TAX1BP1: variants seen among roughly 807,000 people sequenced by gnomAD.
TAX1BP1 encodes Tax1 binding protein 1.
In TAX1BP1, 62 loss-of-function variants were observed where a neutral mutation model predicts 97.7. That is an observed-to-expected ratio of 0.63 (90% CI 0.52 to 0.78). TAX1BP1 has a LOEUF of 0.78. Ranked by LOEUF, TAX1BP1 falls within the 30% of genes least tolerant of loss-of-function variation. The pLI is 0.00. For synonymous variants in TAX1BP1, 340 were observed against 304.2 expected, an observed-to-expected ratio of 1.12 and a Z score of -1.23; for missense variants, 867 against 916.1, an observed-to-expected ratio of 0.95 and a Z score of 0.69.
intron 5 of TAX1BP1, among the ~76,000 whole-genome samples, chr7:27,777,814 G>A (rs1041869039): frequency 6.6e-6 from 1 of 152,256 alleles, no homozygotes; most frequent in African/African-American, 2.4e-5. Flanking sequence ...CAGTTATAGA[G>A]GTGACCTCTG....
At position 27,765,989 on chromosome 7, in the gene TAX1BP1, T is replaced by G; in HGVS notation, c.421T>G (p.Leu141Val). The G allele has an allele frequency of 6.2e-7, 1 of 1,614,110 alleles. No individual in the cohort carries two copies. The highest frequency in any genetic ancestry group is 2.2e-5 in the East Asian group (1 of 44,884). Residue 141 changes from leucine (L) to valine (V), a missense_variant, in exon 4 of 17, where the codon TTA becomes GTA. By Grantham distance (32) the Leu-to-Val change is conservative. Around this residue, in one of 3 missense-constraint regions of TAX1BP1, gnomAD observed 822 missense variants for 851.4 expected, o/e 0.97. Coordinates refer to ENST00000396319, the MANE Select transcript of TAX1BP1 (RefSeq NM_006024.7). ...GGAAGATGAAGGAAATTCTGACATG[T>G]TAGTGGTGACCACAAAAGCAGGCCT... ...TMEDEGNSDMLVVTTKAGLLE... is the reference protein window; with the variant it reads ...TMEDEGNSDMVVVTTKAGLLE...
intron 10 of TAX1BP1, 67 bp downstream of exon 10, chr7:27,793,279 G>T (rs957599411): frequency 5.9e-6 from 8 of 1,348,606 alleles, no homozygotes; most frequent in African/African-American, 3.0e-5. Flanking sequence ...AATCAAATTT[G>T]TAATATTCCA....
chr7:27,798,433 G>T (rs1209432985), intron 12 of TAX1BP1, among the ~76,000 whole-genome samples: 2 of 152,060 alleles, frequency 1.3e-5, no homozygotes, highest in African/African-American at 4.8e-5. Flanking sequence ...GGAGGCCGAG[G>T]TGGGAGCATC....
At chr7:27,779,293 A>G (rs1056860435) in intron 5 of TAX1BP1, among the ~76,000 whole-genome samples, 1 of 152,112 alleles carries the variant, frequency 6.6e-6, no homozygotes, top group African/African-American at 2.4e-5. Flanking sequence ...CTTGGCTCAT[A>G]TCTAGATTTT....
chr7:27,808,672 G>A (rs58785596), intron 13 of TAX1BP1, among the ~76,000 whole-genome samples: 2,235 of 152,228 alleles, frequency 0.015, 51 homozygotes, highest in African/African-American at 0.051. Flanking sequence ...CGGGGTCACT[G>A]TGAGCCATTT....
At chr7:27,821,070 G>A (rs2893299) in intron 15 of TAX1BP1, among the ~76,000 whole-genome samples, 3 of 152,180 alleles carry the variant, frequency 2.0e-5, no homozygotes, top group Non-Finnish European at 4.4e-5. Flanking sequence ...TTGGATTAAA[G>A]ATAGTCAGCC....
intron 2 of TAX1BP1, among the ~76,000 whole-genome samples, chr7:27,755,305 T>C (rs1252294081): frequency 1.3e-5 from 2 of 152,210 alleles, no homozygotes; most frequent in Non-Finnish European, 2.9e-5. Context: ...TATATCCATA[T>C]GTAATCAGCT....
rs1187583279 is a variant in TAX1BP1 at position 27,765,976 on chromosome 7, A to G, written c.408A>G (p.Gly136=). 2 of 1,614,188 alleles carry G rather than the reference A, an allele frequency of 1.2e-6. No individual in the cohort carries two copies. Among genetic ancestry groups the G allele is most frequent in the Admixed American group, 1.7e-5 (1 of 60,024 alleles). ...VEELLTMEDE[G]NSDMLVVTTK... ...AGCTGCTTACTATGGAAGATGAAGG[A>G]AATTCTGACATGTTAGTGGTGACCA... The change falls in exon 4 of 17, where the codon GGA becomes GGG. Residue 136 remains glycine, a synonymous_variant. Coordinates refer to ENST00000396319, the MANE Select transcript of TAX1BP1 (RefSeq NM_006024.7).
In TAX1BP1 at chr7:27,829,562, T is replaced by A. The variant is rs1043668906; in HGVS notation, c.*733T>A. The A allele has an allele frequency of 6.6e-6, 1 of 152,194 alleles. No homozygotes were observed. The highest frequency in any genetic ancestry group is 2.4e-5 in the African/African-American group (1 of 41,448). The allele number at this position is 152,194 out of a possible 1,614,324, so 9.4% of individuals were successfully genotyped here. On this transcript the variant is annotated 3_prime_UTR_variant, in exon 17 of 17. Coordinates refer to ENST00000396319, the MANE Select transcript of TAX1BP1 (RefSeq NM_006024.7). ...ATTAAATGATCTCATAACAGGGGTGTTTGTGGCATAAAAATCATAGAATAT... is the reference window on the plus strand; with the variant it reads ...ATTAAATGATCTCATAACAGGGGTGATTGTGGCATAAAAATCATAGAATAT...
At chr7:27,800,842 C>T (rs768124835) in intron 13 of TAX1BP1, among the ~76,000 whole-genome samples, 5 of 152,138 alleles carry the variant, frequency 3.3e-5, no homozygotes, top group African/African-American at 9.7e-5. Flanking sequence ...TGATGGCTCA[C>T]GCCGGTAATC....
At chr7:27,816,290 C>A in intron 13 of TAX1BP1, 59 bp from the exon 14 acceptor site, 1 of 1,275,646 alleles carries the variant, frequency 7.8e-7, no homozygotes, top group Non-Finnish European at 1.1e-6. Flanking sequence ...TTTAATACTG[C>A]TGTATTTATG....
At chr7:27,784,176 A>AT (rs938518628) in intron 5 of TAX1BP1, among the ~76,000 whole-genome samples, 7 of 152,102 alleles carry the variant, frequency 4.6e-5, no homozygotes, top group African/African-American at 1.7e-4. Context: ...CAGAACGGTG[A>AT]TTTTTTTAGT....
intron 5 of TAX1BP1, among the ~76,000 whole-genome samples, chr7:27,779,883 C>G (rs1409229393): frequency 6.6e-6 from 1 of 152,096 alleles, no homozygotes; most frequent in Non-Finnish European, 1.5e-5. Flanking sequence ...CTGGTTTCAG[C>G]TGGATGAAAG....
intron 3 of TAX1BP1, among the ~76,000 whole-genome samples, chr7:27,761,264 C>G (rs1788415207): frequency 6.6e-6 from 1 of 152,126 alleles, no homozygotes; most frequent in Non-Finnish European, 1.5e-5. Flanking sequence ...CCACCCTTCC[C>G]TGCTTTCCTT....
At position 27,827,787 on chromosome 7, in the gene TAX1BP1, G is replaced by T; in HGVS notation, c.2135G>T (p.Arg712Leu). Residue 712 changes from arginine (R) to leucine (L), a missense_variant, in exon 16 of 17, where the codon CGT becomes CTT. Physicochemically the swap from Arg to Leu is moderately radical, Grantham distance 102 (BLOSUM62 -2). This residue lies in a region of TAX1BP1 where 822 missense variants were observed against 851.4 expected (regional missense o/e 0.97). Coordinates refer to ENST00000396319, the MANE Select transcript of TAX1BP1 (RefSeq NM_006024.7). The stretch of plus-strand genomic sequence containing the variant: ...CCTGATCCTCCAAGTCAACATTTAC[G>T]TGGGCATGGGACAGGCTTTTGCTTT... ...TAPDPPSQHLRGHGTGFCFDS... is the reference protein window; with the variant it reads ...TAPDPPSQHLLGHGTGFCFDS... The T allele has an allele frequency of 6.2e-7, 1 of 1,613,894 alleles. No homozygotes were observed. The highest frequency in any genetic ancestry group is 8.5e-7 in the Non-Finnish European group (1 of 1,179,894).
chr7:27,813,067 A>T (rs1489630255), intron 13 of TAX1BP1, among the ~76,000 whole-genome samples: 2 of 151,918 alleles, frequency 1.3e-5, no homozygotes, highest in Admixed American at 6.6e-5. Context: ...TCTTATGCCA[A>T]TACTATACCG....
chr7:27,828,917 G>A lies in TAX1BP1; in HGVS notation c.*88G>A, dbSNP rs1325509418. 3 of 1,134,396 alleles carry A rather than the reference G, an allele frequency of 2.6e-6. No individual in the cohort carries two copies. Among genetic ancestry groups the A allele is most frequent in the African/African-American group, 3.2e-5 (2 of 63,132 alleles). 70.3% of individuals were successfully genotyped at this position (1,134,396 alleles called of 1,614,324 possible). ...AATAGACCACTGAGGAGACCATAGA[G>A]CGGATGCTTTCATGCACCCTTTACT... On this transcript the variant is annotated 3_prime_UTR_variant, in exon 17 of 17. Coordinates refer to ENST00000396319, the MANE Select transcript of TAX1BP1 (RefSeq NM_006024.7).
intron 13 of TAX1BP1, among the ~76,000 whole-genome samples, chr7:27,801,933 G>A (rs1407448921): frequency 6.6e-6 from 1 of 152,150 alleles, no homozygotes; most frequent in African/African-American, 2.4e-5. Context: ...ATATTTAGGG[G>A]GAAGACATTA....
Position 27,807,444 on chromosome 7 carries a change from C to G in TAX1BP1, c.1764+7354C>G, listed in dbSNP as rs530763368. ...CCCTTTATCTGGAACAACTTTATAG[C>G]CTTTCTTAACCTTGACATTTTTGAA... On this transcript the variant is annotated intron_variant, in intron 13 of 16. Transcript: ENST00000396319. Among the ~76,000 whole-genome samples the G allele has an allele frequency of 2.0e-5, 3 of 152,096 alleles. No homozygotes were observed. The South Asian group carries it at 6.2e-4, about 32-fold the overall frequency.
Sources: allele counts gnomAD v4.1 joint callset (sites outside exome capture counted in the v4.1 genomes callset), GRCh38; gene constraint gnomAD v4.1.1; regional missense constraint gnomAD v4.1.1; transcripts MANE v1.5; gene names NCBI Gene and HGNC (gene_info 2026-07-23, HGNC 2026-07-21).